SPTBN4: variants seen among roughly 807,000 people sequenced by gnomAD.
The protein encoded by SPTBN4 is spectrin beta, non-erythrocytic 4, also known as spectrin beta chain, non-erythrocytic 4.
A neutral mutation model predicts 277.8 loss-of-function variants in SPTBN4; 96 were observed. That is an observed-to-expected ratio of 0.35 (90% CI 0.29 to 0.41). The LOEUF (loss-of-function observed/expected upper bound fraction) is 0.41, where lower values mean the gene tolerates loss of function less well. SPTBN4 is among the 10% of genes least tolerant of loss of function. The pLI is 1.00. For synonymous variants in SPTBN4, 1,481 were observed against 1,580.3 expected (o/e 0.94, Z 1.49); for missense variants, 3,006 against 3,595.7 (o/e 0.84, Z 4.19).
intron 14 of SPTBN4, among the ~76,000 whole-genome samples, chr19:40,514,605 A>G (rs1352326844): frequency 6.6e-6 from 1 of 152,196 alleles, no homozygotes; most frequent in Non-Finnish European, 1.5e-5. Context: ...GTGGGTGTGA[A>G]TAGCCCCAAG....
chr19:40,486,043 A>C (rs1052471588), intron 2 of SPTBN4, among the ~76,000 whole-genome samples: 21 of 151,410 alleles, frequency 1.4e-4, no homozygotes, highest in Admixed American at 9.2e-4. Flanking sequence ...TAATCCCAGC[A>C]CTTTGGGAGG....
At chr19:40,545,304 C>T (rs1409601836) in intron 20 of SPTBN4, among the ~76,000 whole-genome samples, 2 of 151,914 alleles carry the variant, frequency 1.3e-5, no homozygotes, top group Admixed American at 6.6e-5. Flanking sequence ...CCATGTTGGC[C>T]AGGCTGGTCT....
rs1317927317 is a variant in SPTBN4 at position 40,554,318 on chromosome 19, G to A, written c.4846G>A (p.Val1616Met). The change falls in exon 23 of 36, where the codon GTG (valine) becomes ATG (methionine). Residue 1616 changes from valine (V) to methionine (M), a missense_variant. By Grantham distance (21) the Val-to-Met change is conservative. This residue lies in a region of SPTBN4 where 1,759 missense variants were observed against 2,061.5 expected (regional missense o/e 0.85). Transcript: ENST00000598249. The surrounding 1 kb of genome is among the most constrained non-coding windows in gnomAD (Gnocchi z 5.7). ...GGAGGCTGCCGAGCGACGGCAGCAG[G>A]TGCTGGACGCCGCCTTCCAGGTGGA... Reference protein sequence around the residue: ...LREAAERRQQVLDAAFQVEQY... With the variant: ...LREAAERRQQMLDAAFQVEQY... 8 of 1,550,978 alleles carry A rather than the reference G, an allele frequency of 5.2e-6. No homozygotes were observed. Among genetic ancestry groups the A allele is most frequent in the Non-Finnish European group, 6.9e-6 (8 of 1,154,662 alleles).
At chr19:40,550,091 A>C (rs1003972856) in intron 21 of SPTBN4, 147 bp from the exon 22 acceptor site, 1 of 629,272 alleles carries the variant, frequency 1.6e-6, no homozygotes, top group Non-Finnish European at 2.7e-6. Context: ...AAGAAAAAAA[A>C]AAAACAAAAA....
intron 15 of SPTBN4, among the ~76,000 whole-genome samples, chr19:40,517,419 C>T (rs1020644194): frequency 1.6e-4 from 24 of 152,014 alleles, no homozygotes; most frequent in African/African-American, 5.6e-4. Context: ...GCCTCAGCCT[C>T]TTGAGTAGTG....
At position 40,556,288 on chromosome 19, in the gene SPTBN4, G is replaced by A. The variant is rs2080978203; in HGVS notation, c.5289G>A (p.Ser1763=). Residue 1763 remains serine, a splice_region_variant and synonymous_variant, in exon 25 of 36, where the codon TCG becomes TCA. Coordinates refer to ENST00000598249, the MANE Select transcript of SPTBN4 (RefSeq NM_020971.3). The stretch of plus-strand genomic sequence containing the variant: ...TCGGCCAGGACTTTGAGCATGTCTC[G>A]GTGAGCATCATTAGTAATAAGTGAT... ...PELGQDFEHV[S]VLQEKFSEFA... 2.5e-6 allele frequency: 4 copies of A among 1,610,358 alleles called. No individual in the cohort carries two copies. The highest frequency in any genetic ancestry group is 2.2e-5 in the East Asian group (1 of 44,814).
intron 17 of SPTBN4, among the ~76,000 whole-genome samples, chr19:40,524,263 G>A (rs1055661866): frequency 6.6e-6 from 1 of 151,836 alleles, no homozygotes; most frequent in African/African-American, 2.4e-5. Context: ...CCAGCACTTC[G>A]GTAGGCTGAG....
rs528135288 is a variant in SPTBN4 at position 40,515,872 on chromosome 19, GCA to G, written c.2903+451_2903+452del. Among the ~76,000 whole-genome samples the G allele has an allele frequency of 0.16, 21,377 of 135,808 alleles. 3,300 individuals are homozygous for G. Among genetic ancestry groups the G allele is most frequent in the African/African-American group, 0.35 (12,238 of 35,442 alleles). 89.1% of individuals were successfully genotyped at this position (135,808 alleles called of 152,430 possible). On this transcript the variant is annotated intron_variant, in intron 15 of 35. Transcript: ENST00000598249. The surrounding 1 kb of genome is among the most constrained non-coding windows in gnomAD (Gnocchi z 4.1). The stretch of plus-strand genomic sequence containing the variant: ...ACCCCGTCTCTCTCTCTACGTGCGC[GCA>G]CACACACACACACACACACACACAC...
intron 3 of SPTBN4, among the ~76,000 whole-genome samples, chr19:40,489,071 A>G (rs1356658923): frequency 2.0e-5 from 3 of 149,580 alleles, no homozygotes; most frequent in African/African-American, 7.4e-5. Context: ...GGTGGCGGGC[A>G]CCTGTAGTCC....
rs2145898919 is a variant in SPTBN4 at position 40,532,771 on chromosome 19, G to C, written c.4095G>C (p.Arg1365=). 1 of 1,609,086 alleles carries C rather than the reference G, an allele frequency of 6.2e-7. No homozygotes were observed. Among genetic ancestry groups the C allele is most frequent in the Non-Finnish European group, 8.5e-7 (1 of 1,177,186 alleles). ...QNKEWLEKIE[R]EGQQLMQEKP... ...AGGAGTGGCTGGAGAAGATCGAGCGGGTGAGGAAGCTGATGGCCCCTCTGC... is the reference window on the plus strand; with the variant it reads ...AGGAGTGGCTGGAGAAGATCGAGCGCGTGAGGAAGCTGATGGCCCCTCTGC... The change falls in exon 19 of 36, where the codon CGG becomes CGC. Residue 1365 remains arginine (R), a splice_region_variant and synonymous_variant. Transcript: ENST00000598249.
intron 26 of SPTBN4, among the ~76,000 whole-genome samples, chr19:40,559,399 G>A (rs1157258414): frequency 2.0e-5 from 3 of 152,098 alleles, no homozygotes; most frequent in Non-Finnish European, 4.4e-5. Flanking sequence ...TATAATCTCA[G>A]CACTTTGGGA....
At chr19:40,555,928 A>G (rs931364858) in intron 24 of SPTBN4, among the ~76,000 whole-genome samples, 156 bp from the exon 25 acceptor site, 3 of 149,248 alleles carry the variant, frequency 2.0e-5, no homozygotes, top group African/African-American at 7.4e-5. Flanking sequence ...AAAAAAAAAG[A>G]AAAAAGAAAA....
At chr19:40,496,788 C>T (rs908855748) in intron 6 of SPTBN4, among the ~76,000 whole-genome samples, 2 of 151,930 alleles carry the variant, frequency 1.3e-5, no homozygotes, top group Non-Finnish European at 2.9e-5. Context: ...GTACATGTGT[C>T]CTGGCCAGAC....
intron 1 of SPTBN4, among the ~76,000 whole-genome samples, chr19:40,468,703 C>T (rs1198355441): frequency 6.6e-6 from 1 of 152,134 alleles, no homozygotes; most frequent in East Asian, 1.9e-4. Flanking sequence ...TGCAGATGAA[C>T]AAACTAAGGC....
chr19:40,530,427 G>T, intron 18 of SPTBN4: 1 of 869,408 alleles, frequency 1.2e-6, no homozygotes, highest in Non-Finnish European at 1.4e-6. Context: ...GCAGGCAGGG[G>T]GCGCACGCGG....
chr19:40,482,831 C>T (rs1341338878), intron 2 of SPTBN4, among the ~76,000 whole-genome samples: 2 of 151,942 alleles, frequency 1.3e-5, no homozygotes, highest in Non-Finnish European at 2.9e-5. Context: ...CCTCGTGGCG[C>T]ATGCCTGTAA....
chr19:40,524,096 G>A (rs2080561439), intron 17 of SPTBN4, among the ~76,000 whole-genome samples: 1 of 152,146 alleles, frequency 6.6e-6, no homozygotes, highest in Admixed American at 6.6e-5. Flanking sequence ...CTGGCCTTAA[G>A]TGGATATATT....
intron 20 of SPTBN4, among the ~76,000 whole-genome samples, chr19:40,545,510 A>C (rs756779023): frequency 6.6e-6 from 1 of 152,170 alleles, no homozygotes; most frequent in Non-Finnish European, 1.5e-5. Context: ...GGCTCTACCA[A>C]TTTATGCCAC....
At chr19:40,468,807 A>G (rs1043250619) in intron 1 of SPTBN4, among the ~76,000 whole-genome samples, 3 of 152,306 alleles carry the variant, frequency 2.0e-5, no homozygotes, top group South Asian at 2.1e-4. Flanking sequence ...AAGAACAAAA[A>G]TGGATTTGGG....
Sources: gnomAD v4.1 joint callset for allele counts (sites outside exome capture counted in the v4.1 genomes callset) on GRCh38, gnomAD v4.1.1 for gene constraint, gnomAD v4.1.1 regional missense constraint, Gnocchi (gnomAD v3.1) non-coding constraint, MANE v1.5 for transcripts, NCBI Gene and HGNC (gene_info 2026-07-23, HGNC 2026-07-21) for gene names.